MYLK: variants seen among roughly 807,000 people sequenced by gnomAD.
MYLK encodes the protein myosin light chain kinase, smooth muscle.
MYLK carries 106 observed loss-of-function variants against 203.4 expected under a neutral mutation model. The observed-to-expected ratio is 0.52, with a 90% CI of 0.45 to 0.61. The LOEUF is 0.61. Ranked by LOEUF, MYLK falls within the 20% of genes least tolerant of loss-of-function variation. The pLI, the probability that MYLK is intolerant of heterozygous loss-of-function variation, is 0.00. For synonymous variants in MYLK, 867 were observed against 959.5 expected (o/e 0.90, Z 1.78); for missense variants, 2,072 against 2,442.3 (o/e 0.85, Z 3.20).
At chr3:123,728,898 C>T (rs1002747247) in intron 11 of MYLK, among the ~76,000 whole-genome samples, 3 of 152,148 alleles carry the variant, frequency 2.0e-5, no homozygotes, top group Non-Finnish European at 2.9e-5. Context: ...GCCCTGTCTC[C>T]AGGATGTTTG....
At chr3:123,776,536 TG>T (rs2064085308) in intron 4 of MYLK, among the ~76,000 whole-genome samples, 1 of 152,148 alleles carries the variant, frequency 6.6e-6, no homozygotes, top group South Asian at 2.1e-4. Context: ...TCAAGATAAC[TG>T]CCAACAGAGG....
chr3:123,764,454 C>A (rs1473218449), intron 4 of MYLK, among the ~76,000 whole-genome samples: 2 of 152,172 alleles, frequency 1.3e-5, no homozygotes, highest in Non-Finnish European at 2.9e-5. Context: ...CTAGTTGCTG[C>A]TTTGGTGGTG....
intron 20 of MYLK, among the ~76,000 whole-genome samples, chr3:123,667,854 A>G (rs1033402796): frequency 3.3e-5 from 5 of 152,222 alleles, no homozygotes; most frequent in African/African-American, 1.2e-4. Context: ...CAGAAAGGAA[A>G]TTATGTCATG....
intron 19 of MYLK, among the ~76,000 whole-genome samples, chr3:123,684,210 C>G (rs2060369827): frequency 6.6e-6 from 1 of 152,170 alleles, no homozygotes; most frequent in Admixed American, 6.5e-5. Flanking sequence ...TATCACACCC[C>G]ACAGGTCCTG....
chr3:123,790,216 G>C (rs2064720266), intron 4 of MYLK, among the ~76,000 whole-genome samples: 1 of 152,220 alleles, frequency 6.6e-6, no homozygotes, highest in Non-Finnish European at 1.5e-5. Flanking sequence ...CAACGGAAGG[G>C]TGAAATATGA....
chr3:123,708,625 T>A, intron 15 of MYLK, 73 bp downstream of exon 15: 2 of 1,576,838 alleles, frequency 1.3e-6, no homozygotes, highest in Non-Finnish European at 1.7e-6. Context: ...TGTGGTTTCC[T>A]TGCCTCCAAA....
chr3:123,735,393 C>T lies in MYLK; in HGVS notation c.773+5G>A, dbSNP rs2062639342. On this transcript the variant is annotated splice_donor_5th_base_variant and intron_variant, in intron 9 of 33. Coordinates refer to ENST00000360304, the MANE Select transcript of MYLK (RefSeq NM_053025.4). ...AAACGTAAAAGTCACAAAGCCTAGA[C>T]ATACCTATTGGCACTGTCCAAACCT... 1.2e-6 allele frequency: 2 copies of T among 1,614,014 alleles called. No individual in the cohort carries two copies. The highest frequency in any genetic ancestry group is 2.7e-5 in the African/African-American group (2 of 74,910).
intron 2 of MYLK, among the ~76,000 whole-genome samples, chr3:123,857,320 T>G (rs2031487362): frequency 6.6e-6 from 1 of 152,034 alleles, no homozygotes; most frequent in African/African-American, 2.4e-5. Context: ...GGACTATAAA[T>G]CATGCTGCTA....
chr3:123,840,921 CAA>C (rs55737925), intron 2 of MYLK, among the ~76,000 whole-genome samples: 126,830 of 151,862 alleles, frequency 0.84, 53,125 homozygotes, highest in East Asian at 0.95. Flanking sequence ...TTTAAAAAGG[CAA>C]AAGTTTCTTG....
At chr3:123,619,357 G>A (rs2057714043) in intron 32 of MYLK, among the ~76,000 whole-genome samples, 1 of 152,202 alleles carries the variant, frequency 6.6e-6, no homozygotes, top group Non-Finnish European at 1.5e-5. Flanking sequence ...TGGGTCATCT[G>A]AGGAGGGGCA....
intron 20 of MYLK, among the ~76,000 whole-genome samples, chr3:123,676,403 C>T (rs1156985622): frequency 6.6e-6 from 1 of 152,174 alleles, no homozygotes; most frequent in Non-Finnish European, 1.5e-5. Flanking sequence ...CCTTTTGAAT[C>T]CCATCAGGAT....
At chr3:123,665,489 G>A (rs999525013) in intron 22 of MYLK, among the ~76,000 whole-genome samples, 8 of 152,282 alleles carry the variant, frequency 5.3e-5, no homozygotes, top group Admixed American at 5.2e-4. Flanking sequence ...CTGGGGCTAG[G>A]AGAATTTGAG....
In MYLK at chr3:123,662,981, G is replaced by A. The variant is rs904665829; in HGVS notation, c.3985+1124C>T. Among the ~76,000 whole-genome samples the A allele has an allele frequency of 3.3e-5, 5 of 152,190 alleles. No individual in the cohort carries two copies. In the East Asian group the frequency reaches 5.8e-4, roughly 18 times the overall value. On this transcript the variant is annotated intron_variant, in intron 23 of 33. Transcript: ENST00000360304. ...AAAGCCAAGGACAAATGGAAAACCC[G>A]CTCGGGTCTCGTGCACATATCAATA... is the stretch of plus-strand genomic sequence containing the variant.
chr3:123,838,741 C>T (rs2066526564), intron 2 of MYLK, among the ~76,000 whole-genome samples: 1 of 152,078 alleles, frequency 6.6e-6, no homozygotes. Context: ...CACTAGAGCA[C>T]ACACTACATT....
chr3:123,676,579 T>C (rs1343342082), intron 20 of MYLK, among the ~76,000 whole-genome samples: 1 of 152,226 alleles, frequency 6.6e-6, no homozygotes, highest in Non-Finnish European at 1.5e-5. Context: ...CAAAGATATC[T>C]GAGAGTCTCA....
rs1368330474 is a variant in MYLK, at chr3:123,626,947, A to G, written c.5115-6T>C. 6 of 1,614,120 alleles carry G rather than the reference A, an allele frequency of 3.7e-6. No homozygotes were observed. The highest frequency in any genetic ancestry group is 1.7e-5 in the Admixed American group (1 of 60,020). On this transcript the variant is annotated splice_polypyrimidine_tract_variant and splice_region_variant and intron_variant, in intron 30 of 33. Coordinates refer to ENST00000360304, the MANE Select transcript of MYLK (RefSeq NM_053025.4). ...GCGTGCAGTCCAGGCGGTTTCTGAC[A>G]GAGGCAGAGATCAGGAGATTTTTGA... is the stretch of plus-strand genomic sequence containing the variant.
chr3:123,639,633 C>T (rs373955226), intron 28 of MYLK, among the ~76,000 whole-genome samples: 36 of 152,260 alleles, frequency 2.4e-4, no homozygotes, highest in African/African-American at 6.5e-4. Context: ...AGACCCTGAC[C>T]GCCTACCCCT....
At chr3:123,733,565 G>T (rs939408752) in intron 10 of MYLK, 122 bp downstream of exon 10, 6 of 1,265,242 alleles carry the variant, frequency 4.7e-6, no homozygotes, top group Non-Finnish European at 6.8e-6. Context: ...GGTTTTCTAG[G>T]GGAGCTAGTC....
In MYLK at chr3:123,849,567, A is replaced by G. The variant is rs79399360; in HGVS notation, c.-126-17897T>C. ...AACATGTGGTACTGGCTTTGAAATAATGGCTTTTCTAGTGGTGAGAAAAGC... is the reference window on the plus strand; with the variant it reads ...AACATGTGGTACTGGCTTTGAAATAGTGGCTTTTCTAGTGGTGAGAAAAGC... On this transcript the variant is annotated intron_variant, in intron 2 of 33. Transcript: ENST00000360304. Among the ~76,000 whole-genome samples, 1,001 of 152,334 alleles carry G rather than the reference A, an allele frequency of 6.6e-3. 9 individuals carry two copies. The highest frequency in any genetic ancestry group is 0.02 in the African/African-American group (845 of 41,578).
Sources: allele counts gnomAD v4.1 joint callset (sites outside exome capture counted in the v4.1 genomes callset), GRCh38; gene constraint gnomAD v4.1.1; transcripts MANE v1.5; gene names NCBI Gene and HGNC (gene_info 2026-07-23, HGNC 2026-07-21).